PDE4C: variants seen among roughly 807,000 people sequenced by gnomAD.
PDE4C encodes phosphodiesterase 4C.
In PDE4C, 50 loss-of-function variants were observed where a neutral mutation model predicts 63.9. The ratio of observed to expected loss-of-function variants is 0.78; its 90% CI spans 0.62 to 0.99. The LOEUF is 0.99. PDE4C is among the 50% of genes least tolerant of loss of function. The pLI is 0.00. For missense variants in PDE4C, 777 were observed against 899.1 expected, an observed-to-expected ratio of 0.86 and a Z score of 1.74; for synonymous variants, 377 against 385.1, an observed-to-expected ratio of 0.98 and a Z score of 0.25.
At chr19:18,217,040 G>A (rs1968229695) in intron 11 of PDE4C, 145 bp from the exon 12 acceptor site, 2 of 858,116 alleles carry the variant, frequency 2.3e-6, no homozygotes, top group East Asian at 5.6e-5. Context: ...AACCATCCAG[G>A]TCCCTGGCGC....
exon 14 of PDE4C, chr19:18,211,848 A>G: frequency 6.2e-7 from 1 of 1,613,938 alleles, no homozygotes; most frequent in Non-Finnish European, 8.5e-7. Flanking sequence ...TGCTGGAAGA[A>G]CTCGGCCATG....
chr19:18,219,086 C>G (rs779024403), intron 8 of PDE4C, 48 bp from the exon 9 acceptor site: 1 of 1,584,418 alleles, frequency 6.3e-7, no homozygotes, highest in South Asian at 1.1e-5. Context: ...CCAACTTCCC[C>G]AGACTCTAGA....
upstream of PDE4C, among the ~76,000 whole-genome samples, chr19:18,231,150 C>T (rs1968839380): frequency 6.6e-6 from 1 of 152,238 alleles, no homozygotes; most frequent in Admixed American, 6.5e-5. Flanking sequence ...TGGCCTTGAA[C>T]TCAGTTTCGC....
At chr19:18,238,009 A>AC (rs1429437713), upstream of PDE4C, among the ~76,000 whole-genome samples, 1 of 152,028 alleles carries the variant, frequency 6.6e-6, no homozygotes, top group Non-Finnish European at 1.5e-5. Flanking sequence ...GGGTGGTTTG[A>AC]CCCCAGGAGT....
upstream of PDE4C, among the ~76,000 whole-genome samples, chr19:18,230,138 C>T (rs376485959): frequency 1.6e-4 from 24 of 152,210 alleles, no homozygotes; most frequent in East Asian, 2.3e-3. Context: ...CCTGTGAGTC[C>T]CTGGAGAGCA....
At chr19:18,238,576 A>G (rs906252778), upstream of PDE4C, among the ~76,000 whole-genome samples, 1 of 151,992 alleles carries the variant, frequency 6.6e-6, no homozygotes, top group Non-Finnish European at 1.5e-5. Context: ...ATAAAACAGT[A>G]TGTTTATTTT....
At chr19:18,240,703 G>A (rs1969021640) in intron 1 of PDE4C, among the ~76,000 whole-genome samples, 1 of 152,116 alleles carries the variant, frequency 6.6e-6, no homozygotes, top group Non-Finnish European at 1.5e-5. Flanking sequence ...ACTCCAGCCT[G>A]GCAACAGAGC....
At chr19:18,235,473 G>T (rs1968935145), upstream of PDE4C, among the ~76,000 whole-genome samples, 1 of 152,026 alleles carries the variant, frequency 6.6e-6, no homozygotes, top group Non-Finnish European at 1.5e-5. Context: ...GCCCAGCCCT[G>T]GTGTTGTGTC....
At chr19:18,212,045 G>T in intron 13 of PDE4C, 104 bp from the exon 14 acceptor site, 1 of 1,150,692 alleles carries the variant, frequency 8.7e-7, no homozygotes, top group Non-Finnish European at 1.3e-6. Context: ...CATCTTACAG[G>T]TGGGGAAACT....
At position 18,220,592 on chromosome 19, in the gene PDE4C, C is replaced by T. The variant is rs1438601161; in HGVS notation, c.500-77G>A. ...CACGCCTCTCGCGACTTCGTCTCTTCATCTGGACCCTGAAACTGTTCCCAC... is the reference window on the plus strand; with the variant it reads ...CACGCCTCTCGCGACTTCGTCTCTTTATCTGGACCCTGAAACTGTTCCCAC... On this transcript the variant is annotated intron_variant, in intron 5 of 14. Coordinates refer to ENST00000262805, the Ensembl canonical transcript of PDE4C. The surrounding 1 kb of genome is among the most constrained non-coding windows in gnomAD (Gnocchi z 5.1). The T allele has an allele frequency of 1.6e-6, 2 of 1,278,912 alleles. No individual in the cohort carries two copies. The highest frequency in any genetic ancestry group is 5.0e-5 in the East Asian group (2 of 40,066). 79.2% of individuals were successfully genotyped at this position (1,278,912 alleles called of 1,614,324 possible).
chr19:18,217,695 G>C (rs933421420), intron 11 of PDE4C, among the ~76,000 whole-genome samples: 1 of 152,090 alleles, frequency 6.6e-6, no homozygotes, highest in Admixed American at 6.6e-5. Context: ...CCAGGAGTTT[G>C]AGACCAGCCT....
chr19:18,226,138 G>A (rs777027251), intron 1 of PDE4C, 132 bp downstream of exon 1: 6 of 677,358 alleles, frequency 8.9e-6, no homozygotes, highest in Non-Finnish European at 1.0e-5. Context: ...AGAAAGCGAG[G>A]GAGAGGCAGA....
chr19:18,220,377 G>A lies in PDE4C; in HGVS notation c.612+26C>T, dbSNP rs1319103159. 6.2e-7 allele frequency: 1 copy of A among 1,611,390 alleles called. No homozygotes were observed. Among genetic ancestry groups the A allele is most frequent in the South Asian group, 1.1e-5 (1 of 91,030 alleles). ...TGGGGCACCGTGGGCCGAGGCAGGT[G>A]AGCTCAGCGATCTGCCCCACCTCAC... On this transcript the variant is annotated intron_variant, in intron 6 of 14. Transcript: ENST00000262805. The surrounding 1 kb of genome is among the most constrained non-coding windows in gnomAD (Gnocchi z 5.1).
chr19:18,216,082 C>T (rs941854206), intron 12 of PDE4C, among the ~76,000 whole-genome samples: 2 of 152,064 alleles, frequency 1.3e-5, no homozygotes, highest in African/African-American at 4.8e-5. Context: ...CCACCCGCCT[C>T]AGCCTCCCAA....
At chr19:18,238,696 A>G (rs895097786) in intron 1 of PDE4C, among the ~76,000 whole-genome samples, 3 of 152,052 alleles carry the variant, frequency 2.0e-5, no homozygotes, top group Non-Finnish European at 4.4e-5. Flanking sequence ...ATTATTTATT[A>G]AAATATAAAA....
At chr19:18,243,313 G>T (rs1166744197) in intron 1 of PDE4C, among the ~76,000 whole-genome samples, 3 of 152,068 alleles carry the variant, frequency 2.0e-5, no homozygotes, top group African/African-American at 7.2e-5. Context: ...TCACCATGTT[G>T]GCCAGGCTGG....
upstream of PDE4C, among the ~76,000 whole-genome samples, chr19:18,250,679 T>G (rs1969220047): frequency 6.6e-6 from 1 of 151,990 alleles, no homozygotes; most frequent in African/African-American, 2.4e-5. Flanking sequence ...CAATCACAGC[T>G]CACTGCAGCC....
chr19:18,226,998 TG>T (rs1388885901), upstream of PDE4C, among the ~76,000 whole-genome samples: 1 of 152,220 alleles, frequency 6.6e-6, no homozygotes, highest in Non-Finnish European at 1.5e-5. Context: ...TGCAGCTTGC[TG>T]GGCCAATAAC....
At chr19:18,229,469 G>T (rs1310890907), upstream of PDE4C, among the ~76,000 whole-genome samples, 1 of 152,112 alleles carries the variant, frequency 6.6e-6, no homozygotes, top group Non-Finnish European at 1.5e-5. Context: ...TTGAACTCCT[G>T]ACCTCAGGTG....
Sources: gnomAD v4.1 joint callset for allele counts (sites outside exome capture counted in the v4.1 genomes callset) on GRCh38, gnomAD v4.1.1 for gene constraint, Gnocchi (gnomAD v3.1) non-coding constraint, MANE v1.5 for transcripts, NCBI Gene and HGNC (gene_info 2026-07-23, HGNC 2026-07-21) for gene names.